Variants in SLC18A1 observed in about 807,000 individuals in gnomAD.
SLC18A1 encodes the protein solute carrier family 18 member A1, also known as chromaffin granule amine transporter.
Under a neutral mutation model 53.7 loss-of-function variants are expected in SLC18A1, and 69 were observed. The ratio of observed to expected loss-of-function variants is 1.28; its 90% CI spans 1.06 to 1.57. SLC18A1 has a LOEUF of 1.57. SLC18A1 is among the 40% of genes most tolerant of loss of function. The pLI is 0.00. For synonymous variants in SLC18A1, 320 were observed against 248.1 expected (o/e 1.29, Z -2.72); for missense variants, 932 against 668.1 (o/e 1.40, Z -4.35).
At chr8:20,147,200 G>T in intron 15 of SLC18A1, 58 bp downstream of exon 15, 1 of 1,546,270 alleles carries the variant, frequency 6.5e-7, no homozygotes, top group South Asian at 1.3e-5. Flanking sequence ...AAGGGAATGA[G>T]AGAGATGATG....
chr8:20,166,233 T>C (rs1050451165), intron 8 of SLC18A1, among the ~76,000 whole-genome samples: 11 of 144,364 alleles, frequency 7.6e-5, no homozygotes, highest in Non-Finnish European at 1.4e-4. Flanking sequence ...TGGAATAAAA[T>C]ATGGCGCACA....
intron 12 of SLC18A1, chr8:20,148,495 A>T (rs1306445589): frequency 7.8e-7 from 1 of 1,286,808 alleles, no homozygotes; most frequent in African/African-American, 1.5e-5. Flanking sequence ...GAAAGGTTTC[A>T]TTTAGACTTC....
intron 10 of SLC18A1, 52 bp downstream of exon 10, chr8:20,164,816 TG>T: frequency 7.1e-7 from 1 of 1,399,390 alleles, no homozygotes; most frequent in African/African-American, 1.4e-5. Context: ...AAAGGACTCA[TG>T]GCACCCACCT....
At chr8:20,159,652 A>AG (rs1563739634) in intron 10 of SLC18A1, among the ~76,000 whole-genome samples, 1 of 75,558 alleles carries the variant, frequency 1.3e-5, no homozygotes, top group Admixed American at 1.1e-4. Flanking sequence ...AAAAAAAAAA[A>AG]AAAAAAAAAA....
chr8:20,173,219 G>T, intron 5 of SLC18A1, 91 bp from the exon 6 acceptor site: 1 of 893,866 alleles, frequency 1.1e-6, no homozygotes, highest in Non-Finnish European at 1.7e-6. Flanking sequence ...TCTCTTCAGT[G>T]ACAATCTTAG....
In SLC18A1 at chr8:20,158,659, C is replaced by T. The variant is rs558495745; in HGVS notation, c.1015+6210G>A. ...AAACTATGCAACAGCCCCTGCAGTA[C>T]TCCAATTTTAGGAGTCCAGAAACCC... On this transcript the variant is annotated intron_variant, in intron 10 of 15. Coordinates refer to ENST00000276373, the MANE Select transcript of SLC18A1 (RefSeq NM_003053.4). 3.9e-5 allele frequency among the ~76,000 whole-genome samples: 6 copies of T among 152,272 alleles called. No individual in the cohort carries two copies. In the East Asian group the frequency reaches 9.7e-4, roughly 25 times the overall value.
At chr8:20,179,565 T>A (rs1199993624) in intron 2 of SLC18A1, 81 bp from the exon 3 acceptor site, 27 of 1,498,536 alleles carry the variant, frequency 1.8e-5, no homozygotes, top group Non-Finnish European at 2.2e-5. Flanking sequence ...TAAGGACAGA[T>A]GTCAATTCTA....
chr8:20,147,386 A>T lies in SLC18A1; in HGVS notation c.1336T>A (p.Ser446Thr), dbSNP rs760764641. 1.2e-6 allele frequency: 2 copies of T among 1,608,748 alleles called. No individual in the cohort carries two copies. The highest frequency in any genetic ancestry group is 1.7e-6 in the Non-Finnish European group (2 of 1,177,988). Residue 446 changes from serine (S) to threonine (T), a missense_variant, in exon 15 of 16, where the codon TCC (serine) becomes ACC (threonine). Physicochemically the swap from Ser to Thr is moderately conservative, Grantham distance 58. Transcript: ENST00000276373. Reference sequence around the variant, plus strand: ...GCCTTTACAATGGCACCACCGGTGGATGGACCTGGGAGGGATACATCAAAG... The same window carrying T: ...GCCTTTACAATGGCACCACCGGTGGTTGGACCTGGGAGGGATACATCAAAG... ...AFCMGFAIGP[S>T]TGGAIVKAIG...
intron 1 of SLC18A1, among the ~76,000 whole-genome samples, chr8:20,181,440 C>A (rs1412398179): frequency 6.6e-6 from 1 of 151,994 alleles, no homozygotes; most frequent in Non-Finnish European, 1.5e-5. Flanking sequence ...TCCTCTAGAT[C>A]CACTCTTTTA....
intron 12 of SLC18A1, 97 bp downstream of exon 12, chr8:20,149,579 T>TCTCCCC: frequency 2.0e-6 from 2 of 1,017,530 alleles, no homozygotes; most frequent in East Asian, 5.3e-5. Context: ...TCTTTCTCTC[T>TCTCCCC]CTCTCTCTCC....
chr8:20,173,895 CTT>C (rs72376505), intron 5 of SLC18A1, among the ~76,000 whole-genome samples: 1,521 of 135,548 alleles, frequency 0.011, 18 homozygotes, highest in African/African-American at 0.031. Context: ...TAATTCCTTT[CTT>C]TTTTTTTTTT....
At chr8:20,148,811 G>C (rs888827220) in intron 12 of SLC18A1, among the ~76,000 whole-genome samples, 1 of 152,158 alleles carries the variant, frequency 6.6e-6, no homozygotes, top group African/African-American at 2.4e-5. Context: ...CTCAAGAAAT[G>C]TTTATAAATT....
chr8:20,172,351 G>C (rs1392472716), intron 6 of SLC18A1, among the ~76,000 whole-genome samples: 1 of 152,216 alleles, frequency 6.6e-6, no homozygotes, highest in Non-Finnish European at 1.5e-5. Flanking sequence ...AGAGGGTGGG[G>C]CATAGGCCGG....
intron 6 of SLC18A1, 71 bp from the exon 7 acceptor site, chr8:20,171,565 T>C: frequency 8.0e-7 from 1 of 1,246,470 alleles, no homozygotes; most frequent in Non-Finnish European, 1.2e-6. Context: ...TATCCATATT[T>C]ACCCCGTGAG....
chr8:20,148,406 C>T (rs2071461169), intron 12 of SLC18A1: 2 of 1,245,480 alleles, frequency 1.6e-6, no homozygotes, highest in Non-Finnish European at 1.1e-6. Context: ...TTCCTCTACC[C>T]CTCTTCACCT....
At chr8:20,176,452 C>G (rs1174455817) in intron 4 of SLC18A1, among the ~76,000 whole-genome samples, 1 of 152,182 alleles carries the variant, frequency 6.6e-6, no homozygotes, top group Non-Finnish European at 1.5e-5. Flanking sequence ...TCCTTTATAG[C>G]AATGCTAAAT....
chr8:20,161,850 C>G (rs371193123), intron 10 of SLC18A1, among the ~76,000 whole-genome samples: 1 of 152,148 alleles, frequency 6.6e-6, no homozygotes, highest in African/African-American at 2.4e-5. Context: ...GTGGTCTTTC[C>G]GGGCTGAGTC....
At chr8:20,155,845 C>G (rs1439125554) in intron 10 of SLC18A1, among the ~76,000 whole-genome samples, 1 of 152,194 alleles carries the variant, frequency 6.6e-6, no homozygotes, top group East Asian at 1.9e-4. Context: ...CCCTGGTGTC[C>G]CTCCCAATTT....
chr8:20,150,866 T>G (rs2071535529), intron 10 of SLC18A1, 122 bp from the exon 11 acceptor site: 1 of 859,518 alleles, frequency 1.2e-6, no homozygotes, highest in Non-Finnish European at 1.9e-6. Flanking sequence ...CACTTTGTTT[T>G]ATGATCTGGG....
Sources: gnomAD v4.1 joint callset for allele counts (sites outside exome capture counted in the v4.1 genomes callset) on GRCh38, gnomAD v4.1.1 for gene constraint, MANE v1.5 for transcripts, NCBI Gene and HGNC (gene_info 2026-07-23, HGNC 2026-07-21) for gene names.